The following FNDC3B variants were observed in gnomAD, a reference collection of about 807,000 sequenced individuals.
The protein encoded by FNDC3B is fibronectin type III domain-containing protein 3B.
Under a neutral mutation model 151.5 loss-of-function variants are expected in FNDC3B, and 12 were observed. That is an observed-to-expected ratio of 0.08 (90% CI 0.05 to 0.13). The LOEUF is 0.13. Among genes scored for constraint, FNDC3B ranks in the 10% least tolerant of loss-of-function variants. The pLI is 1.00. For synonymous variants in FNDC3B, 528 were observed against 549.0 expected, an observed-to-expected ratio of 0.96 and a Z score of 0.54; for missense variants, 1,214 against 1,505.3, an observed-to-expected ratio of 0.81 and a Z score of 3.20.
In FNDC3B at chr3:172,251,463, A is replaced by T; in HGVS notation, c.712A>T (p.Ser238Cys). ...GHSGGSGGGG[S>C]GSGPGIKKTE... is the part of the protein sequence containing the mutation. The stretch of plus-strand genomic sequence containing the variant: ...TAGTGGTGGAAGTGGCGGAGGCGGC[A>T]GCGGTAGTGGTCCCGGAATTAAGAA... Residue 238 changes from serine (S) to cysteine (C), a missense_variant, in exon 6 of 26, where the codon AGC becomes TGC. Ser to Cys is a moderately radical substitution (Grantham distance 112, BLOSUM62 -1). Coordinates refer to ENST00000415807, the MANE Select transcript of FNDC3B (RefSeq NM_022763.4). 6.2e-7 allele frequency: 1 copy of T among 1,614,142 alleles called. No homozygotes were observed. The highest frequency in any genetic ancestry group is 8.5e-7 in the Non-Finnish European group (1 of 1,180,002).
intron 3 of FNDC3B, among the ~76,000 whole-genome samples, chr3:172,136,986 G>A (rs1333650150): frequency 4.6e-5 from 7 of 152,204 alleles, no homozygotes; most frequent in Non-Finnish European, 8.8e-5. Context: ...TTACAGGCAT[G>A]AGCCACCACA....
chr3:172,181,482 G>C (rs1462549462), intron 3 of FNDC3B, among the ~76,000 whole-genome samples: 2 of 145,324 alleles, frequency 1.4e-5, no homozygotes, highest in African/African-American at 2.6e-5. Context: ...CTTCTTCAAA[G>C]ACAGCCTTTC....
chr3:172,278,016 T>C (rs986349729), intron 6 of FNDC3B, among the ~76,000 whole-genome samples: 2 of 152,218 alleles, frequency 1.3e-5, no homozygotes, highest in Non-Finnish European at 2.9e-5. Flanking sequence ...TATCAGGTGA[T>C]GAGCTTCACT....
intron 4 of FNDC3B, among the ~76,000 whole-genome samples, chr3:172,233,924 G>C (rs374303045): frequency 6.6e-6 from 1 of 152,116 alleles, no homozygotes; most frequent in Non-Finnish European, 1.5e-5. Context: ...TAGATATTTC[G>C]TTTCAGTTAT....
chr3:172,384,941 G>A lies in FNDC3B; in HGVS notation c.3303+3848G>A, dbSNP rs970506546. Among the ~76,000 whole-genome samples the A allele has an allele frequency of 4.6e-5, 7 of 152,118 alleles. No homozygotes were observed. In the East Asian group the frequency reaches 9.6e-4, roughly 21 times the overall value. ...CAGGTGAAAACACACAGTACTGCAC[G>A]GCAGGCTCAGCAGATGAGGCTTAGC... On this transcript the variant is annotated intron_variant, in intron 25 of 25. Coordinates refer to ENST00000415807, the MANE Select transcript of FNDC3B (RefSeq NM_022763.4).
chr3:172,286,293 G>GT (rs35493935), intron 7 of FNDC3B, among the ~76,000 whole-genome samples: 52,829 of 150,708 alleles, frequency 0.35, 9,527 homozygotes, highest in African/African-American at 0.43. Flanking sequence ...TCTTTTGGTA[G>GT]TTTTTTTTTA....
intron 11 of FNDC3B, among the ~76,000 whole-genome samples, chr3:172,318,309 C>T (rs574681537): frequency 2.1e-4 from 32 of 152,368 alleles, no homozygotes; most frequent in African/African-American, 7.7e-4. Context: ...CCCAGCAGTC[C>T]TGTCACAGAA....
At chr3:172,341,715 G>A (rs887912893) in intron 17 of FNDC3B, among the ~76,000 whole-genome samples, 5 of 152,192 alleles carry the variant, frequency 3.3e-5, no homozygotes, top group South Asian at 2.1e-4. Flanking sequence ...AATCCATGAT[G>A]ACTGAGCTGA....
At chr3:172,119,144 T>C (rs905860798) in intron 2 of FNDC3B, among the ~76,000 whole-genome samples, 24 of 132,956 alleles carry the variant, frequency 1.8e-4, no homozygotes, top group African/African-American at 6.9e-4. Context: ...CACTCCAGCC[T>C]GGGTGACACA....
chr3:172,251,775 A>C (rs1014395345), intron 6 of FNDC3B, among the ~76,000 whole-genome samples: 9 of 152,190 alleles, frequency 5.9e-5, no homozygotes, highest in Admixed American at 3.3e-4. Flanking sequence ...ATGCCATGCA[A>C]CTTTGCACTT....
At chr3:172,307,259 A>G in intron 9 of FNDC3B, 104 bp from the exon 10 acceptor site, 1 of 1,198,012 alleles carries the variant, frequency 8.3e-7, no homozygotes, top group Non-Finnish European at 1.2e-6. Flanking sequence ...TCACTCCGTA[A>G]GAAATTCTGT....
At chr3:172,227,748 A>T (rs1177600924) in intron 4 of FNDC3B, among the ~76,000 whole-genome samples, 1 of 151,990 alleles carries the variant, frequency 6.6e-6, no homozygotes, top group Non-Finnish European at 1.5e-5. Flanking sequence ...AATATTTACC[A>T]TTTTACTATC....
intron 1 of FNDC3B, among the ~76,000 whole-genome samples, chr3:172,080,580 A>G (rs1384567661): frequency 6.6e-6 from 1 of 152,022 alleles, no homozygotes; most frequent in Non-Finnish European, 1.5e-5. Context: ...ACTAGGCCTG[A>G]ATCGTTGAAT....
intron 1 of FNDC3B, among the ~76,000 whole-genome samples, chr3:172,076,054 A>C (rs1483547869): frequency 1.3e-5 from 2 of 152,134 alleles, no homozygotes; most frequent in Non-Finnish European, 2.9e-5. Context: ...CCCAGTTTCC[A>C]AAGCTTTTTC....
chr3:172,196,993 C>T (rs1165538355), intron 3 of FNDC3B, among the ~76,000 whole-genome samples: 1 of 151,936 alleles, frequency 6.6e-6, no homozygotes, highest in Non-Finnish European at 1.5e-5. Flanking sequence ...CCAGCCTGAC[C>T]AACATAGTGA....
intron 15 of FNDC3B, among the ~76,000 whole-genome samples, chr3:172,336,599 T>G (rs1732978725): frequency 6.6e-6 from 1 of 152,212 alleles, no homozygotes; most frequent in Non-Finnish European, 1.5e-5. Context: ...TTCCTTTCCA[T>G]CACTCAAAAG....
chr3:172,237,691 C>T (rs1183213750), intron 4 of FNDC3B: 1 of 152,212 alleles, frequency 6.6e-6, no homozygotes, highest in Non-Finnish European at 1.5e-5. Context: ...ACTTTTTGTT[C>T]ATGAATTAAC....
intron 3 of FNDC3B, among the ~76,000 whole-genome samples, chr3:172,144,445 G>A (rs1721797719): frequency 6.6e-6 from 1 of 152,230 alleles, no homozygotes. Context: ...TGATTGAAGA[G>A]GGCAGGCAGG....
In FNDC3B at chr3:172,042,324, AGGCTAGGT is replaced by A. The variant is rs138242064; in HGVS notation, c.-29+2554_-29+2561del. 9.3e-4 allele frequency among the ~76,000 whole-genome samples: 142 copies of A among 152,314 alleles called. 1 individual carries two copies. The highest frequency in any genetic ancestry group is 3.3e-3 in the African/African-American group (136 of 41,570). ...CTGTGAGGAAGCTCTAGGCCCTTGG[AGGCTAGGT>A]AGCAGTTCACTCAGTAGGAGTTTGT... is the stretch of plus-strand genomic sequence containing the variant. On this transcript the variant is annotated intron_variant, in intron 1 of 25. Coordinates refer to ENST00000415807, the MANE Select transcript of FNDC3B (RefSeq NM_022763.4).
Sources: gnomAD v4.1 joint callset for allele counts (sites outside exome capture counted in the v4.1 genomes callset) on GRCh38, gnomAD v4.1.1 for gene constraint, MANE v1.5 for transcripts, NCBI Gene and HGNC (gene_info 2026-07-23, HGNC 2026-07-21) for gene names.